The following RELT variants were observed in gnomAD, a reference collection of about 807,000 sequenced individuals.
The protein encoded by RELT is tumor necrosis factor receptor superfamily member 19L.
A neutral mutation model predicts 51.1 loss-of-function variants in RELT; 37 were observed. That is an observed-to-expected ratio of 0.72 (90% CI 0.56 to 0.95). The LOEUF (loss-of-function observed/expected upper bound fraction) is 0.95. Among genes scored for constraint, RELT ranks in the 40% least tolerant of loss-of-function variants. The probability of loss-of-function intolerance (pLI) is 0.00; values close to 1 mark genes in which losing one functional copy is unlikely to be tolerated. For synonymous variants in RELT, 241 were observed against 235.7 expected (o/e 1.02, Z -0.21); for missense variants, 535 against 572.6 (o/e 0.93, Z 0.67).
In RELT at chr11:73,396,912, A is replaced by C. The variant is rs1866327494; in HGVS notation, c.*1421A>C. 6.6e-6 allele frequency: 1 copy of C among 152,278 alleles called. No homozygotes were observed. 9.4% of individuals were successfully genotyped at this position (152,278 alleles called of 1,614,324 possible). ...ATTTTCTGACAGTCACATTTCAAAA[A>C]GTAAAAAGAAGCAGGTGAACTTAAT... is the stretch of plus-strand genomic sequence containing the variant. On this transcript the variant is annotated 3_prime_UTR_variant, in exon 11 of 11. Transcript: ENST00000064780.
chr11:73,381,884 G>A (rs1254941284), intron 1 of RELT, among the ~76,000 whole-genome samples: 2 of 152,168 alleles, frequency 1.3e-5, no homozygotes, highest in African/African-American at 2.4e-5. Flanking sequence ...GTTCCCCAAA[G>A]CACTCTTGCC....
At position 73,389,116 on chromosome 11, in the gene RELT, G is replaced by T; in HGVS notation, c.-21G>T. 1 of 1,539,664 alleles carries T rather than the reference G, an allele frequency of 6.5e-7. No homozygotes were observed. ...CCTCCTCTCCATCTGCCCTAGGCCG[G>T]CGACCACCAGGGGCCTGAGGATGAA... On this transcript the variant is annotated 5_prime_UTR_variant, in exon 2 of 11. Coordinates refer to ENST00000064780, the MANE Select transcript of RELT (RefSeq NM_152222.2).
At chr11:73,390,696 G>A in intron 3 of RELT, 59 bp from the exon 4 acceptor site, 1 of 1,609,046 alleles carries the variant, frequency 6.2e-7, no homozygotes, top group Non-Finnish European at 8.5e-7. Context: ...CCTGTGCCTG[G>A]CCCCCAAGGG....
rs767411352 is a variant in RELT at position 73,392,277 on chromosome 11, G to A, written c.434G>A (p.Arg145Gln). Residue 145 changes from arginine to glutamine, a missense_variant, in exon 6 of 11, where the codon CGG becomes CAG. Coordinates refer to ENST00000064780, the MANE Select transcript of RELT (RefSeq NM_152222.2). ...GGGGCCAGCAGCGGTGGTGAGACAC[G>A]GCAGCCTGGGAACGGCACCCGGGCA... ...AAGASSGGET[R>Q]QPGNGTRAGG... 1.1e-5 allele frequency: 18 copies of A among 1,612,894 alleles called. No individual in the cohort carries two copies. The highest frequency in any genetic ancestry group is 1.6e-4 in the Middle Eastern group (1 of 6,084).
intron 5 of RELT, 98 bp downstream of exon 5, chr11:73,391,321 A>C (rs1866212009): frequency 9.1e-7 from 1 of 1,096,284 alleles, no homozygotes; most frequent in African/African-American, 1.6e-5. Flanking sequence ...ATGTGGGGGC[A>C]GTGGGGTCCT....
Position 73,394,798 on chromosome 11 carries a change from G to A in RELT, c.1046+64G>A. ...GTGACAGCCTGGGGGCCGGGAGGGG[G>A]AGGCAGGGCCCCAGCTTGGGCCCTG... is the stretch of plus-strand genomic sequence containing the variant. On this transcript the variant is annotated intron_variant, in intron 9 of 10. Coordinates refer to ENST00000064780, the MANE Select transcript of RELT (RefSeq NM_152222.2). The surrounding 1 kb of genome is among the most constrained non-coding windows in gnomAD (Gnocchi z 4.9). 1 of 1,561,418 alleles carries A rather than the reference G, an allele frequency of 6.4e-7. No homozygotes were observed. Among genetic ancestry groups the A allele is most frequent in the Non-Finnish European group, 8.7e-7 (1 of 1,155,436 alleles).
At chr11:73,380,289 G>A (rs1362869932) in intron 1 of RELT, among the ~76,000 whole-genome samples, 2 of 152,222 alleles carry the variant, frequency 1.3e-5, no homozygotes, top group Non-Finnish European at 2.9e-5. Context: ...CCAGGTCTCT[G>A]GTGCTCACCA....
chr11:73,377,270 G>A (rs1299271411), intron 1 of RELT, among the ~76,000 whole-genome samples: 3 of 90,760 alleles, frequency 3.3e-5, no homozygotes, highest in South Asian at 5.4e-4. Flanking sequence ...AGTGGTGTCA[G>A]TGTGTGTGTG....
At chr11:73,381,592 G>T (rs1453839640) in intron 1 of RELT, among the ~76,000 whole-genome samples, 34 of 152,210 alleles carry the variant, frequency 2.2e-4, no homozygotes, top group Non-Finnish European at 2.9e-5. Flanking sequence ...AGGAGGGGAT[G>T]CCTGGCCCAA....
intron 1 of RELT, among the ~76,000 whole-genome samples, chr11:73,378,189 C>A (rs897725053): frequency 6.6e-6 from 1 of 152,116 alleles, no homozygotes; most frequent in African/African-American, 2.4e-5. Flanking sequence ...CTTCTGAGGC[C>A]CCTTCTCCCG....
At chr11:73,393,526 G>A (rs1169886949) in intron 6 of RELT, 1 of 1,299,214 alleles carries the variant, frequency 7.7e-7, no homozygotes, top group Non-Finnish European at 1.0e-6. Context: ...AGGAGACAGT[G>A]CAGACCCAGA....
rs2134447710 is a variant in RELT, at chr11:73,388,734, T to A, written c.-25-378T>A. 6.6e-6 allele frequency among the ~76,000 whole-genome samples: 1 copy of A among 152,200 alleles called. No homozygotes were observed. Among genetic ancestry groups the A allele is most frequent in the African/African-American group, 2.4e-5 (1 of 41,524 alleles). The stretch of plus-strand genomic sequence containing the variant: ...GGAGTGTGGAGGCCGGGCTGGGGTG[T>A]TGGGTGTTGGTTGCAACCCTGTCAT... On this transcript the variant is annotated intron_variant, in intron 1 of 10. Transcript: ENST00000064780. The surrounding 1 kb of genome is among the most constrained non-coding windows in gnomAD (Gnocchi z 4.1).
Position 73,390,849 on chromosome 11 carries a change from G to GC in RELT, c.217dup (p.Leu73ProfsTer50), listed in dbSNP as rs760380805. ...CCATGCCAGCCCCATGCCCGTTGCA[G>GC]CCTTTGGAGGAGGCTGGAGGCCCAG... On this transcript the variant is annotated frameshift_variant, in exon 4 of 11. Coordinates refer to ENST00000064780, the MANE Select transcript of RELT (RefSeq NM_152222.2). LOFTEE classifies it high-confidence loss of function. 1.9e-6 allele frequency: 3 copies of GC among 1,613,010 alleles called. No homozygotes were observed. Among genetic ancestry groups the GC allele is most frequent in the Non-Finnish European group, 2.5e-6 (3 of 1,179,816 alleles).
intron 6 of RELT, chr11:73,392,760 G>A: frequency 7.4e-7 from 1 of 1,353,972 alleles, no homozygotes; most frequent in Non-Finnish European, 9.6e-7. Flanking sequence ...ACAGTTGTGT[G>A]TATGGTTCCA....
chr11:73,395,664 G>C lies in RELT; in HGVS notation c.*173G>C, dbSNP rs1866307810. 3.1e-6 allele frequency: 2 copies of C among 639,842 alleles called. No individual in the cohort carries two copies. Among genetic ancestry groups the C allele is most frequent in the East Asian group, 5.4e-5 (2 of 37,122 alleles). The allele number at this position is 639,842 out of a possible 1,614,324, so 39.6% of individuals were successfully genotyped here. A position where few individuals can be genotyped will look rare whatever the true frequency, so the allele number is the denominator to read the frequency against. On this transcript the variant is annotated 3_prime_UTR_variant, in exon 11 of 11. Coordinates refer to ENST00000064780, the MANE Select transcript of RELT (RefSeq NM_152222.2). ...AGCGTCTGCCCCAGTGAGGAGGCAG[G>C]TGGCCGGCGGGCACTGTGTACAGGA...
At chr11:73,389,685 A>G (rs907143658) in intron 2 of RELT, among the ~76,000 whole-genome samples, 1 of 152,226 alleles carries the variant, frequency 6.6e-6, no homozygotes, top group African/African-American at 2.4e-5. Flanking sequence ...CCTGGGGCCC[A>G]TCTTTCTGCT....
intron 5 of RELT, 36 bp downstream of exon 5, chr11:73,391,259 G>C: frequency 6.3e-7 from 1 of 1,587,432 alleles, no homozygotes; most frequent in Non-Finnish European, 8.6e-7. Flanking sequence ...TGGTGCAGGG[G>C]TATGTGCGGG....
intron 1 of RELT, among the ~76,000 whole-genome samples, chr11:73,387,665 CT>C (rs945576291): frequency 6.6e-6 from 1 of 152,206 alleles, no homozygotes; most frequent in African/African-American, 2.4e-5. Flanking sequence ...ACTCCCTCCC[CT>C]GAGTGTAACT....
chr11:73,391,333 C>T, intron 5 of RELT, 110 bp downstream of exon 5: 1 of 1,012,758 alleles, frequency 9.9e-7, no homozygotes, highest in African/African-American at 1.6e-5. Flanking sequence ...TGGGGTCCTT[C>T]TTCCAGCCCA....
Sources: allele counts gnomAD v4.1 joint callset (sites outside exome capture counted in the v4.1 genomes callset), GRCh38; gene constraint gnomAD v4.1.1; non-coding constraint Gnocchi (gnomAD v3.1); transcripts MANE v1.5; gene names NCBI Gene and HGNC (gene_info 2026-07-23, HGNC 2026-07-21).